The following RBM20 variants were observed in gnomAD, a reference collection of about 807,000 sequenced individuals.
The protein encoded by RBM20 is RNA-binding protein 20.
A neutral mutation model predicts 110.1 loss-of-function variants in RBM20; 51 were observed. The ratio of observed to expected loss-of-function variants is 0.46; its 90% CI spans 0.37 to 0.59. The LOEUF (loss-of-function observed/expected upper bound fraction) is 0.59. RBM20 is among the 20% of genes least tolerant of loss of function. The pLI is 0.00. For missense variants in RBM20, 1,512 were observed against 1,574.9 expected (o/e 0.96, Z 0.68); for synonymous variants, 589 against 618.2 (o/e 0.95, Z 0.70).
chr10:110,768,432 TA>T (rs1250227153), intron 1 of RBM20, among the ~76,000 whole-genome samples: 3 of 152,240 alleles, frequency 2.0e-5, no homozygotes, highest in Non-Finnish European at 4.4e-5. Context: ...GGGAAAGGGA[TA>T]TTTTTCTCAA....
chr10:110,825,688 T>C (rs763121943), intron 12 of RBM20, among the ~76,000 whole-genome samples: 1 of 152,248 alleles, frequency 6.6e-6, no homozygotes, highest in East Asian at 1.9e-4. Flanking sequence ...TATAAATGAC[T>C]GATCTTTCCT....
intron 1 of RBM20, among the ~76,000 whole-genome samples, chr10:110,678,370 G>A (rs1862372510): frequency 1.3e-5 from 2 of 152,216 alleles, no homozygotes; most frequent in Admixed American, 1.3e-4. Flanking sequence ...ACGTACTTGA[G>A]CTCATAGCAT....
intron 1 of RBM20, among the ~76,000 whole-genome samples, chr10:110,679,024 G>T (rs1862382202): frequency 6.6e-6 from 1 of 152,192 alleles, no homozygotes; most frequent in Non-Finnish European, 1.5e-5. Context: ...GAGGAGCCAT[G>T]GAGACCTGGG....
intron 1 of RBM20, among the ~76,000 whole-genome samples, chr10:110,738,380 C>T (rs1475909564): frequency 6.6e-6 from 1 of 152,120 alleles, no homozygotes; most frequent in African/African-American, 2.4e-5. Flanking sequence ...GCATGGCCTG[C>T]TGCCTGGGAA....
At chr10:110,834,048 C>CTCTGAGCAGCCTG (rs1274349089) in intron 13 of RBM20, among the ~76,000 whole-genome samples, 11 of 152,338 alleles carry the variant, frequency 7.2e-5, no homozygotes, top group African/African-American at 2.4e-4. Context: ...CCTCCGCTCT[C>CTCTGAGCAGCCTG]TCTGAGCAGC....
At chr10:110,749,977 G>GA (rs1455538016) in intron 1 of RBM20, among the ~76,000 whole-genome samples, 7 of 152,188 alleles carry the variant, frequency 4.6e-5, no homozygotes, top group African/African-American at 1.2e-4. Flanking sequence ...ACTCAGAAGT[G>GA]AAAAAAATGA....
intron 7 of RBM20, among the ~76,000 whole-genome samples, chr10:110,807,526 C>T (rs7899485): frequency 1.3e-5 from 2 of 152,034 alleles, no homozygotes; most frequent in Admixed American, 1.3e-4. Context: ...TGATAACCAA[C>T]GTGCAGAAGG....
chr10:110,675,158 G>A (rs1452602971), intron 1 of RBM20, among the ~76,000 whole-genome samples: 5 of 152,180 alleles, frequency 3.3e-5, no homozygotes, highest in Non-Finnish European at 7.4e-5. Flanking sequence ...GAGCCTTGAA[G>A]AAGTGAGCAA....
At chr10:110,750,929 A>T (rs987119616) in intron 1 of RBM20, among the ~76,000 whole-genome samples, 2 of 151,988 alleles carry the variant, frequency 1.3e-5, no homozygotes, top group Admixed American at 6.5e-5. Context: ...TGAAAATGGG[A>T]GTTGTGGAAT....
intron 1 of RBM20, among the ~76,000 whole-genome samples, chr10:110,744,928 C>A (rs760294031): frequency 6.6e-6 from 1 of 152,186 alleles, no homozygotes; most frequent in Non-Finnish European, 1.5e-5. Flanking sequence ...TGGCCTTGAC[C>A]TTACTGTCCT....
At chr10:110,764,262 A>AAAGC (rs982802036) in intron 1 of RBM20, among the ~76,000 whole-genome samples, 1 of 127,628 alleles carries the variant, frequency 7.8e-6, no homozygotes, top group African/African-American at 2.9e-5. Flanking sequence ...CCCAGAGTAA[A>AAAGC]AAGCAAGCAA....
At chr10:110,698,825 G>A (rs1270516039) in intron 1 of RBM20, among the ~76,000 whole-genome samples, 1 of 152,210 alleles carries the variant, frequency 6.6e-6, no homozygotes, top group African/African-American at 2.4e-5. Flanking sequence ...TGCTGGCAGA[G>A]GATGGTGACC....
At position 110,644,392 on chromosome 10, in the gene RBM20, G is replaced by C. The variant is rs1200898955; in HGVS notation, c.-63G>C. On this transcript the variant is annotated 5_prime_UTR_variant, in exon 1 of 14. Coordinates refer to ENST00000369519, the MANE Select transcript of RBM20 (RefSeq NM_001134363.3). This position sits in a 1 kb window ranked among gnomAD's most constrained non-coding sequence, Gnocchi z 4.3. ...CGGGGACCCCGGCCAGTGAGCGCCCGTGGCCCGGGACCGCCCCTCCCTTGA... is the reference window on the plus strand; with the variant it reads ...CGGGGACCCCGGCCAGTGAGCGCCCCTGGCCCGGGACCGCCCCTCCCTTGA... 11 of 1,316,860 alleles carry C rather than the reference G, an allele frequency of 8.4e-6. No individual in the cohort carries two copies. Among genetic ancestry groups the C allele is most frequent in the African/African-American group, 1.5e-5 (1 of 64,698 alleles). 81.6% of individuals were successfully genotyped at this position (1,316,860 alleles called of 1,614,324 possible).
intron 7 of RBM20, among the ~76,000 whole-genome samples, chr10:110,806,366 G>T (rs1844695345): frequency 6.6e-6 from 1 of 152,160 alleles, no homozygotes; most frequent in South Asian, 2.1e-4. Flanking sequence ...ACATGGCTGT[G>T]GAGGCCTCAG....
chr10:110,736,776 C>T lies in RBM20; in HGVS notation c.192-44025C>T, dbSNP rs147267840. Among the ~76,000 whole-genome samples the T allele has an allele frequency of 2.5e-3, 375 of 152,230 alleles. 5 individuals carry two copies. The highest frequency in any genetic ancestry group is 8.6e-3 in the African/African-American group (358 of 41,548). On this transcript the variant is annotated intron_variant, in intron 1 of 13. Coordinates refer to ENST00000369519, the MANE Select transcript of RBM20 (RefSeq NM_001134363.3). ...TATGGTTTGAATGTTTGTATCCCTC[C>T]AAAATGCATATTTTGAAACCTGATC...
At chr10:110,654,820 A>G (rs892175643) in intron 1 of RBM20, among the ~76,000 whole-genome samples, 10 of 152,218 alleles carry the variant, frequency 6.6e-5, no homozygotes, top group African/African-American at 2.4e-4. Context: ...CCTGAGCATC[A>G]GTGTTCTTAT....
chr10:110,667,692 G>A (rs1018396838), intron 1 of RBM20, among the ~76,000 whole-genome samples: 3 of 152,078 alleles, frequency 2.0e-5, no homozygotes, highest in Non-Finnish European at 2.9e-5. Flanking sequence ...TGGCAGTGTC[G>A]ATCTTTTCAT....
intron 1 of RBM20, among the ~76,000 whole-genome samples, chr10:110,767,994 G>A (rs575848444): frequency 6.8e-4 from 104 of 152,358 alleles, no homozygotes; most frequent in South Asian, 6.2e-4. Flanking sequence ...TCGGTAGGCC[G>A]AGGCTGGCGG....
At chr10:110,647,814 C>T (rs1266014179) in intron 1 of RBM20, among the ~76,000 whole-genome samples, 3 of 152,160 alleles carry the variant, frequency 2.0e-5, no homozygotes, top group South Asian at 4.2e-4. Flanking sequence ...CCTTGATGAA[C>T]GTCAGAAATT....
Sources: allele counts gnomAD v4.1 joint callset (sites outside exome capture counted in the v4.1 genomes callset), GRCh38; gene constraint gnomAD v4.1.1; non-coding constraint Gnocchi (gnomAD v3.1); transcripts MANE v1.5; gene names NCBI Gene and HGNC (gene_info 2026-07-23, HGNC 2026-07-21).